PHIP: variants seen among roughly 807,000 people sequenced by gnomAD.
The protein encoded by PHIP is PH-interacting protein.
In PHIP, 54 loss-of-function variants were observed where a neutral mutation model predicts 236.8. The ratio of observed to expected loss-of-function variants is 0.23; its 90% CI spans 0.18 to 0.29. PHIP has a LOEUF of 0.29. Ranked by LOEUF, PHIP falls within the 10% of genes least tolerant of loss-of-function variation. PHIP has a pLI of 1.00. For synonymous variants in PHIP, 756 were observed against 718.9 expected, an observed-to-expected ratio of 1.05 and a Z score of -0.83; for missense variants, 1,370 against 2,190.8, an observed-to-expected ratio of 0.63 and a Z score of 7.48.
chr6:78,985,802 A>C (rs1382727320), intron 21 of PHIP, among the ~76,000 whole-genome samples: 3 of 152,192 alleles, frequency 2.0e-5, no homozygotes, highest in Non-Finnish European at 4.4e-5. Flanking sequence ...AGATCGCACC[A>C]CTACACTCCA....
chr6:78,979,902 C>G (rs1203017010), intron 23 of PHIP, among the ~76,000 whole-genome samples: 1 of 151,920 alleles, frequency 6.6e-6, no homozygotes, highest in East Asian at 1.9e-4. Flanking sequence ...TACTACTTCC[C>G]AACTGTAGTA....
At chr6:79,033,166 C>G (rs1771755697) in intron 7 of PHIP, among the ~76,000 whole-genome samples, 1 of 151,998 alleles carries the variant, frequency 6.6e-6, no homozygotes. Context: ...GTTCCCTTTA[C>G]AGAGCACAAG....
At chr6:79,046,675 G>A (rs201097734) in intron 6 of PHIP, among the ~76,000 whole-genome samples, 1 of 151,978 alleles carries the variant, frequency 6.6e-6, no homozygotes, top group Non-Finnish European at 1.5e-5. Flanking sequence ...TCAGGAGTTC[G>A]AGACCAGCCT....
At chr6:79,009,072 T>C (rs983925384) in intron 15 of PHIP, among the ~76,000 whole-genome samples, 13 of 152,144 alleles carry the variant, frequency 8.5e-5, no homozygotes, top group Non-Finnish European at 5.9e-5. Flanking sequence ...CTCACACTTA[T>C]TCAATTTCAT....
At chr6:78,991,427 A>T (rs549332714) in intron 19 of PHIP, among the ~76,000 whole-genome samples, 4 of 152,010 alleles carry the variant, frequency 2.6e-5, no homozygotes, top group African/African-American at 9.6e-5. Flanking sequence ...AAAGCCCTGA[A>T]AGAACTACAC....
intron 8 of PHIP, 78 bp from the exon 9 acceptor site, chr6:79,025,697 T>G: frequency 1.1e-6 from 1 of 918,000 alleles, no homozygotes; most frequent in Non-Finnish European, 1.8e-6. Flanking sequence ...GCCATACAAA[T>G]AGCAACTAAC....
intron 35 of PHIP, among the ~76,000 whole-genome samples, chr6:78,948,740 C>T (rs762984393): frequency 2.6e-5 from 4 of 152,134 alleles, no homozygotes; most frequent in South Asian, 2.1e-4. Context: ...ATGACCTGCC[C>T]GTCTTGACCT....
At chr6:79,023,325 T>C (rs955788554) in intron 9 of PHIP, among the ~76,000 whole-genome samples, 1 of 152,178 alleles carries the variant, frequency 6.6e-6, no homozygotes, top group Non-Finnish European at 1.5e-5. Flanking sequence ...CTCAAAGTTC[T>C]GAACTCAAGT....
chr6:78,948,270 T>C (rs1029146268), intron 35 of PHIP, among the ~76,000 whole-genome samples: 1 of 152,198 alleles, frequency 6.6e-6, no homozygotes, highest in Non-Finnish European at 1.5e-5. Context: ...TTGGGAGTTT[T>C]GCTTTGCAGT....
At chr6:79,032,817 C>T (rs1248948197) in intron 7 of PHIP, among the ~76,000 whole-genome samples, 1 of 151,600 alleles carries the variant, frequency 6.6e-6, no homozygotes, top group African/African-American at 2.4e-5. Flanking sequence ...ACAGGTGAAA[C>T]AGGAGGTTTT....
chr6:79,062,834 T>C (rs6925447), intron 4 of PHIP, among the ~76,000 whole-genome samples: 3,582 of 152,270 alleles, frequency 0.024, 59 homozygotes, highest in Non-Finnish European at 0.034. Context: ...CAATCTTGTC[T>C]TACCTGCTCA....
At chr6:78,955,376 G>C in intron 33 of PHIP, 94 bp from the exon 34 acceptor site, 1 of 899,588 alleles carries the variant, frequency 1.1e-6, no homozygotes, top group Non-Finnish European at 1.8e-6. Context: ...TTACACACTG[G>C]AACACCTGTA....
At chr6:78,944,628 G>A (rs762079640) in intron 39 of PHIP, among the ~76,000 whole-genome samples, 5 of 152,124 alleles carry the variant, frequency 3.3e-5, no homozygotes, top group Admixed American at 1.3e-4. Context: ...AAGTTTACAC[G>A]GGTAGATCCC....
intron 35 of PHIP, among the ~76,000 whole-genome samples, chr6:78,953,496 A>C (rs564229875): frequency 6.6e-6 from 1 of 152,236 alleles, no homozygotes; most frequent in Non-Finnish European, 1.5e-5. Flanking sequence ...AGCGAAATCC[A>C]TAAGTTGTGA....
chr6:79,048,165 G>T (rs1256516114), intron 6 of PHIP, among the ~76,000 whole-genome samples: 2 of 151,588 alleles, frequency 1.3e-5, no homozygotes, highest in African/African-American at 2.4e-5. Context: ...TGTTAATTTT[G>T]AAAATAAACA....
chr6:78,955,709 TA>T, intron 32 of PHIP, 27 bp from the exon 33 acceptor site: 2 of 748,120 alleles, frequency 2.7e-6, no homozygotes, highest in African/African-American at 1.8e-5. Flanking sequence ...TGTTAACATG[TA>T]AGATTAGAAC....
At chr6:78,981,186 A>C (rs186754049) in intron 23 of PHIP, among the ~76,000 whole-genome samples, 1 of 152,128 alleles carries the variant, frequency 6.6e-6, no homozygotes, top group East Asian at 1.9e-4. Context: ...AAATATGGAA[A>C]GTATAAATAA....
Position 78,986,840 on chromosome 6 carries a change from T to C in PHIP, c.2460+1369A>G, listed in dbSNP as rs1582172189. Among the ~76,000 whole-genome samples the C allele has an allele frequency of 2.0e-5, 3 of 152,210 alleles. No homozygotes were observed. The South Asian group carries it at 6.2e-4, about 31-fold the overall frequency. On this transcript the variant is annotated intron_variant, in intron 21 of 39. Transcript: ENST00000275034. Reference sequence around the variant, plus strand: ...TTGCATATTTTATTAACAAAAAGCATATTTTATTAACAAATTTAATCACTG... The same window carrying C: ...TTGCATATTTTATTAACAAAAAGCACATTTTATTAACAAATTTAATCACTG...
intron 15 of PHIP, among the ~76,000 whole-genome samples, chr6:79,005,851 C>T (rs1401383076): frequency 6.6e-6 from 1 of 151,882 alleles, no homozygotes; most frequent in Non-Finnish European, 1.5e-5. Context: ...ACTGATCAAC[C>T]CTTGACCCTA....
Sources: gnomAD v4.1 joint callset for allele counts (sites outside exome capture counted in the v4.1 genomes callset) on GRCh38, gnomAD v4.1.1 for gene constraint, MANE v1.5 for transcripts, NCBI Gene and HGNC (gene_info 2026-07-23, HGNC 2026-07-21) for gene names.